Variants in CCDC149 observed in about 807,000 individuals in gnomAD.
CCDC149 encodes coiled-coil domain containing 149, also known as coiled-coil domain-containing protein 149.
CCDC149 carries 45 observed loss-of-function variants against 59.9 expected under a neutral mutation model. That is an observed-to-expected ratio of 0.75 (90% confidence interval 0.59 to 0.96). The LOEUF (loss-of-function observed/expected upper bound fraction) is 0.96. Among genes scored for constraint, CCDC149 ranks in the 40% least tolerant of loss-of-function variants. CCDC149 has a pLI of 0.00. For synonymous variants in CCDC149, 245 were observed against 260.6 expected, an observed-to-expected ratio of 0.94 and a Z score of 0.58; for missense variants, 584 against 664.7, an observed-to-expected ratio of 0.88 and a Z score of 1.33.
chr4:24,932,790 G>A (rs1303379086), intron 1 of CCDC149, among the ~76,000 whole-genome samples: 2 of 152,168 alleles, frequency 1.3e-5, no homozygotes. Context: ...TAGTCAGAGG[G>A]AAGTGTCAGG....
At chr4:24,868,371 A>C (rs761897039) in intron 3 of CCDC149, among the ~76,000 whole-genome samples, 2 of 152,168 alleles carry the variant, frequency 1.3e-5, no homozygotes, top group Non-Finnish European at 2.9e-5. Flanking sequence ...ACAGTAAATA[A>C]AAATGTAAAA....
chr4:24,968,675 G>GC (rs1444093628), intron 1 of CCDC149, among the ~76,000 whole-genome samples: 2 of 152,222 alleles, frequency 1.3e-5, no homozygotes. Flanking sequence ...TTGCAGTCCA[G>GC]CCTAGTACTA....
At chr4:24,819,363 C>A (rs1715214685) in intron 12 of CCDC149, among the ~76,000 whole-genome samples, 1 of 152,100 alleles carries the variant, frequency 6.6e-6, no homozygotes, top group Admixed American at 6.6e-5. Context: ...GCTGTATTCC[C>A]CAGGCTGGAG....
At chr4:24,835,524 C>G (rs767342481) in intron 7 of CCDC149, among the ~76,000 whole-genome samples, 11 of 152,196 alleles carry the variant, frequency 7.2e-5, no homozygotes, top group Non-Finnish European at 1.6e-4. Flanking sequence ...AACAGACTTA[C>G]ATTAAAATTG....
At chr4:24,908,272 A>C (rs2109320804) in intron 1 of CCDC149, among the ~76,000 whole-genome samples, 1 of 152,282 alleles carries the variant, frequency 6.6e-6, no homozygotes, top group East Asian at 1.9e-4. Context: ...ACCAAGAGAA[A>C]GGCAGGGCCA....
chr4:24,883,644 C>A (rs897199011), intron 1 of CCDC149, among the ~76,000 whole-genome samples: 3 of 152,106 alleles, frequency 2.0e-5, no homozygotes, highest in Non-Finnish European at 4.4e-5. Context: ...CGCCTGCTGC[C>A]CCCTACATTG....
chr4:24,813,489 A>AATATATCTATATCTATATCT (rs1186488610), intron 12 of CCDC149, among the ~76,000 whole-genome samples: 15 of 113,732 alleles, frequency 1.3e-4, no homozygotes, highest in African/African-American at 5.6e-4. Context: ...CAGCTTGGGG[A>AATATATCTATATCTATATCT]ATATATATAT....
chr4:24,810,289 A>T (rs190176380), intron 12 of CCDC149, among the ~76,000 whole-genome samples: 27 of 152,362 alleles, frequency 1.8e-4, no homozygotes, highest in African/African-American at 3.8e-4. Flanking sequence ...AAAAATATTT[A>T]AAAAATAGTT....
At chr4:24,977,785 G>C (rs1428783382) in intron 1 of CCDC149, among the ~76,000 whole-genome samples, 3 of 152,160 alleles carry the variant, frequency 2.0e-5, no homozygotes, top group Admixed American at 1.3e-4. Flanking sequence ...GCATGTGAAA[G>C]CATTTTGAAA....
At chr4:24,818,244 G>A (rs1442980925) in intron 12 of CCDC149, among the ~76,000 whole-genome samples, 1 of 151,986 alleles carries the variant, frequency 6.6e-6, no homozygotes, top group Non-Finnish European at 1.5e-5. Context: ...AAGCTGAGAG[G>A]GTGACAAAAA....
At chr4:24,961,948 A>G (rs950247459) in intron 1 of CCDC149, among the ~76,000 whole-genome samples, 1 of 151,796 alleles carries the variant, frequency 6.6e-6, no homozygotes, top group African/African-American at 2.4e-5. Flanking sequence ...ACAAAAGCCA[A>G]AATTGACAAA....
intron 1 of CCDC149, among the ~76,000 whole-genome samples, chr4:24,878,916 T>C (rs894483155): frequency 2.0e-5 from 3 of 152,168 alleles, no homozygotes; most frequent in Admixed American, 2.0e-4. Context: ...ACGGTCCAAA[T>C]AGGGCCATGA....
intron 1 of CCDC149, among the ~76,000 whole-genome samples, chr4:24,897,987 T>TG (rs1054398278): frequency 1.3e-5 from 2 of 152,166 alleles, no homozygotes; most frequent in African/African-American, 4.8e-5. Flanking sequence ...AACTGGCTAG[T>TG]GAGAGAGAGT....
intron 1 of CCDC149, among the ~76,000 whole-genome samples, chr4:24,899,372 A>C (rs1269185263): frequency 2.0e-5 from 3 of 152,192 alleles, no homozygotes; most frequent in Non-Finnish European, 4.4e-5. Flanking sequence ...AGTTCCACTT[A>C]GGGCACACTG....
intron 1 of CCDC149, among the ~76,000 whole-genome samples, chr4:24,934,128 A>T (rs1054584806): frequency 6.6e-6 from 1 of 152,070 alleles, no homozygotes; most frequent in East Asian, 1.9e-4. Context: ...TAATCCTAGG[A>T]CTGTGATATC....
chr4:24,941,918 A>G (rs371867835), intron 1 of CCDC149, among the ~76,000 whole-genome samples: 3,880 of 152,274 alleles, frequency 0.025, 89 homozygotes, highest in South Asian at 0.1. Flanking sequence ...CTTACCAACC[A>G]AAAAAAGTCC....
chr4:24,963,100 A>G (rs1253178016), intron 1 of CCDC149, among the ~76,000 whole-genome samples: 1 of 152,158 alleles, frequency 6.6e-6, no homozygotes, highest in African/African-American at 2.4e-5. Context: ...ATATCAATAC[A>G]AAAACACCCA....
intron 1 of CCDC149, among the ~76,000 whole-genome samples, chr4:24,978,398 C>A (rs1724312507): frequency 1.3e-5 from 2 of 152,108 alleles, no homozygotes; most frequent in African/African-American, 4.8e-5. Flanking sequence ...TCATCTGTTT[C>A]TTTCCCCTCA....
chr4:24,861,217 G>A (rs1197771077), intron 3 of CCDC149, among the ~76,000 whole-genome samples: 2 of 150,762 alleles, frequency 1.3e-5, no homozygotes, highest in Non-Finnish European at 2.9e-5. Flanking sequence ...TAGCCCAAAT[G>A]CCCATCAATC....
Sources: allele counts gnomAD v4.1 joint callset (sites outside exome capture counted in the v4.1 genomes callset), GRCh38; gene constraint gnomAD v4.1.1; transcripts MANE v1.5; gene names NCBI Gene and HGNC (gene_info 2026-07-23, HGNC 2026-07-21).